RPL31: variants seen among roughly 807,000 people sequenced by gnomAD.
The protein encoded by RPL31 is ribosomal protein L31.
For missense variants in RPL31, 95 were observed against 164.0 expected (o/e 0.58, Z 2.30); for synonymous variants, 51 against 55.0 (o/e 0.93, Z 0.32).
downstream of RPL31, chr2:101,008,421 T>A: frequency 1.5e-6 from 1 of 681,952 alleles, no homozygotes. Flanking sequence ...CTTTCCACTC[T>A]AAACTATTAA....
At chr2:101,007,625 G>T, downstream of RPL31, 1 of 611,602 alleles carries the variant, frequency 1.6e-6, no homozygotes, top group Non-Finnish European at 2.8e-6. Context: ...GGATACCTTA[G>T]GGCACTGACA....
chr2:101,013,744 C>T (rs1288846730), intron 4 of RPL31, among the ~76,000 whole-genome samples: 2 of 152,260 alleles, frequency 1.3e-5, no homozygotes, highest in Non-Finnish European at 2.9e-5. Flanking sequence ...GGCGACAAGC[C>T]AGTTCCACCA....
In RPL31 at chr2:101,005,643, CAA is replaced by C. The variant is rs767621207; in HGVS notation, c.234-314_234-313del. On this transcript the variant is annotated intron_variant, in intron 3 of 4. Transcript: ENST00000264258. ...TTAATGTAACAGAAAAATCACGTAA[CAA>C]AGTTTCTGGTGATAGACAAAAGACT... 228 of 294,868 alleles carry C rather than the reference CAA, an allele frequency of 7.7e-4. 5 individuals carry two copies. Among genetic ancestry groups the C allele is most frequent in the South Asian group, 6.1e-3 (119 of 19,494 alleles). 18.3% of individuals were successfully genotyped at this position (294,868 alleles called of 1,614,324 possible).
chr2:101,003,648 A>T (rs1458727074), intron 2 of RPL31, among the ~76,000 whole-genome samples: 1 of 152,208 alleles, frequency 6.6e-6, no homozygotes, highest in African/African-American at 2.4e-5. Flanking sequence ...AAGTGAAGTG[A>T]GCTTGCTTGA....
chr2:101,002,403 C>T (rs538410370), intron 1 of RPL31, 88 bp downstream of exon 1: 14 of 408,442 alleles, frequency 3.4e-5, no homozygotes, highest in Admixed American at 1.2e-4. Context: ...AAATCTCTCC[C>T]GAGCCAGCCC....
downstream of RPL31, among the ~76,000 whole-genome samples, chr2:101,008,739 G>T (rs1289477570): frequency 1.3e-5 from 2 of 151,914 alleles, no homozygotes; most frequent in African/African-American, 4.8e-5. Context: ...TTAAACCCAG[G>T]AGGCAAAGGT....
intron 4 of RPL31, chr2:101,017,760 G>T: frequency 7.4e-7 from 1 of 1,346,838 alleles, no homozygotes; most frequent in South Asian, 1.3e-5. Flanking sequence ...TGACAAAAAG[G>T]ATAAGATGTT....
downstream of RPL31, chr2:101,007,681 G>A: frequency 1.2e-6 from 1 of 844,970 alleles, no homozygotes; most frequent in Non-Finnish European, 1.9e-6. Flanking sequence ...GGTTCCCCTG[G>A]CCACAGTTTG....
intron 2 of RPL31, among the ~76,000 whole-genome samples, 163 bp downstream of exon 2, chr2:101,002,971 TCA>T (rs1353116441): frequency 6.6e-6 from 1 of 152,142 alleles, no homozygotes; most frequent in Non-Finnish European, 1.5e-5. Flanking sequence ...CCGAATACAT[TCA>T]CAGTCTGACC....
downstream of RPL31, chr2:101,011,393 T>C (rs1679198965): frequency 1.3e-6 from 2 of 1,563,280 alleles, no homozygotes; most frequent in African/African-American, 2.7e-5. Flanking sequence ...GCAACCCCGG[T>C]GCCTCCCGCC....
chr2:101,004,066 C>A, intron 2 of RPL31, 92 bp from the exon 3 acceptor site: 1 of 1,429,622 alleles, frequency 7.0e-7, no homozygotes, highest in African/African-American at 1.4e-5. Flanking sequence ...AAGTCAGTTT[C>A]CAGGAGCCTA....
chr2:101,013,475 G>C (rs1301461531), intron 4 of RPL31, among the ~76,000 whole-genome samples: 1 of 152,172 alleles, frequency 6.6e-6, no homozygotes, highest in Non-Finnish European at 1.5e-5. Flanking sequence ...CTATTAAAGT[G>C]TTCATTGTGT....
downstream of RPL31, chr2:101,011,445 A>T: frequency 6.2e-7 from 1 of 1,613,858 alleles, no homozygotes; most frequent in Non-Finnish European, 8.5e-7. Context: ...GAAAAGAGGT[A>T]CGTGCCATTG....
chr2:101,003,515 T>A (rs999096557), intron 2 of RPL31, among the ~76,000 whole-genome samples: 1 of 152,228 alleles, frequency 6.6e-6, no homozygotes, highest in Non-Finnish European at 1.5e-5. Flanking sequence ...TTTGTCTTTC[T>A]CTGTAGTACT....
intron 4 of RPL31, among the ~76,000 whole-genome samples, chr2:101,015,478 C>T (rs1390615113): frequency 6.6e-6 from 1 of 152,202 alleles, no homozygotes; most frequent in Non-Finnish European, 1.5e-5. Context: ...ACTTTATAAA[C>T]TTTTTGACTC....
downstream of RPL31, among the ~76,000 whole-genome samples, chr2:101,009,962 C>T (rs905451480): frequency 6.6e-6 from 1 of 151,846 alleles, no homozygotes; most frequent in South Asian, 2.1e-4. Context: ...GCTGGGACTA[C>T]AGGCGCCCGC....
downstream of RPL31, chr2:101,007,631 T>TGACA (rs1678826017): frequency 1.6e-6 from 1 of 626,032 alleles, no homozygotes; most frequent in Non-Finnish European, 2.8e-6. Flanking sequence ...CTTAGGGCAC[T>TGACA]GACAATTCTC....
chr2:101,019,150 T>C, exon 5 of RPL31: 1 of 1,454,116 alleles, frequency 6.9e-7, no homozygotes, highest in Non-Finnish European at 9.4e-7. Flanking sequence ...GTCTCCCATA[T>C]TACCCTGGCA....
chr2:101,018,933 G>T (rs1040650636), intron 4 of RPL31: 71 of 1,580,388 alleles, frequency 4.5e-5, no homozygotes, highest in Non-Finnish European at 6.0e-5. Flanking sequence ...CTAATCTTCT[G>T]GAATGCTCTT....
Sources: gnomAD v4.1 joint callset for allele counts (sites outside exome capture counted in the v4.1 genomes callset) on GRCh38, gnomAD v4.1.1 for gene constraint, MANE v1.5 for transcripts, NCBI Gene and HGNC (gene_info 2026-07-23, HGNC 2026-07-21) for gene names.